Variants in SAMSN1 observed in about 807,000 individuals in gnomAD.
SAMSN1 encodes the protein SAM domain-containing protein SAMSN-1.
Under a neutral mutation model 42.0 loss-of-function variants are expected in SAMSN1, and 31 were observed. The ratio of observed to expected loss-of-function variants is 0.74; its 90% CI spans 0.55 to 1.00. The LOEUF is 1.00. Ranked by LOEUF, SAMSN1 falls within the 50% of genes least tolerant of loss-of-function variation. The pLI, the probability that SAMSN1 is intolerant of heterozygous loss-of-function variation, is 0.00. For missense variants in SAMSN1, 464 were observed against 439.4 expected (o/e 1.06, Z -0.50); for synonymous variants, 178 against 151.9 (o/e 1.17, Z -1.26).
At chr21:14,643,423 T>C (rs1983642586) in intron 1 of SAMSN1, among the ~76,000 whole-genome samples, 2 of 152,210 alleles carry the variant, frequency 1.3e-5, no homozygotes, top group African/African-American at 4.8e-5. Flanking sequence ...TCAAGAGGTA[T>C]GTTGAAGACA....
At chr21:14,615,870 A>C in intron 3 of SAMSN1, 1 of 318,718 alleles carries the variant, frequency 3.1e-6, no homozygotes, top group South Asian at 8.8e-5. Context: ...CTGCAAAAAA[A>C]AAAAAAAAAA....
chr21:14,512,422 G>C, intron 4 of SAMSN1, 22 bp downstream of exon 4: 3 of 1,611,730 alleles, frequency 1.9e-6, no homozygotes, highest in Non-Finnish European at 2.5e-6. Context: ...CCAGGATCTT[G>C]TCCCTGATTC....
chr21:14,522,940 C>T (rs1468127300), intron 1 of SAMSN1, among the ~76,000 whole-genome samples: 1 of 152,108 alleles, frequency 6.6e-6, no homozygotes, highest in Non-Finnish European at 1.5e-5. Flanking sequence ...ACAATTTGGA[C>T]ACGCCAATGC....
chr21:14,659,268 A>G (rs1983962335), upstream of SAMSN1, among the ~76,000 whole-genome samples: 2 of 152,044 alleles, frequency 1.3e-5, no homozygotes, highest in South Asian at 4.1e-4. Context: ...ACATTTTTAA[A>G]TGGCAAGATA....
In SAMSN1 at chr21:14,490,921, C is replaced by T. The variant is rs563249839; in HGVS notation, c.920-4807G>A. ...GCAGAGGCATACTCACTCAAGATCA[C>T]GATAACTCAGCACCTACCTGGGCAA... On this transcript the variant is annotated intron_variant, in intron 7 of 7. Coordinates refer to ENST00000400566, the MANE Select transcript of SAMSN1 (RefSeq NM_022136.5). 1.9e-4 allele frequency among the ~76,000 whole-genome samples: 29 copies of T among 152,250 alleles called. 3 individuals carry two copies. The highest frequency in any genetic ancestry group is 1.4e-3 in the Admixed American group (22 of 15,286).
chr21:14,546,028 G>A (rs1980368990), intron 1 of SAMSN1, among the ~76,000 whole-genome samples, 177 bp downstream of exon 1: 1 of 152,230 alleles, frequency 6.6e-6, no homozygotes, highest in South Asian at 2.1e-4. Context: ...TAATTGCTAG[G>A]TGTGATTTAA....
At chr21:14,591,093 TTGG>T (rs1343223238) in intron 7 of SAMSN1, among the ~76,000 whole-genome samples, 6 of 152,150 alleles carry the variant, frequency 3.9e-5, no homozygotes, top group South Asian at 2.1e-4. Context: ...ATAATTACAG[TTGG>T]TGGGAAAATT....
At chr21:14,643,944 G>T (rs1030119617) in intron 1 of SAMSN1, among the ~76,000 whole-genome samples, 2 of 152,188 alleles carry the variant, frequency 1.3e-5, no homozygotes, top group African/African-American at 4.8e-5. Context: ...ACCAAACTCA[G>T]CTGATGCCCA....
At chr21:14,510,810 G>A (rs925139671) in intron 4 of SAMSN1, among the ~76,000 whole-genome samples, 1 of 152,172 alleles carries the variant, frequency 6.6e-6, no homozygotes. Context: ...CCTCCCCAGA[G>A]TTCCCACTGT....
At chr21:14,549,387 G>A (rs1050688143), upstream of SAMSN1, among the ~76,000 whole-genome samples, 13 of 152,094 alleles carry the variant, frequency 8.5e-5, no homozygotes, top group Non-Finnish European at 4.4e-5. Flanking sequence ...AATGGATGAA[G>A]GGTTTTAAAA....
intron 6 of SAMSN1, chr21:14,601,879 T>G (rs1475935438): frequency 5.3e-6 from 2 of 375,228 alleles, no homozygotes; most frequent in Non-Finnish European, 9.9e-6. Flanking sequence ...GACATAAGCA[T>G]ATCAATTATA....
chr21:14,589,565 G>A (rs141971104), intron 7 of SAMSN1, among the ~76,000 whole-genome samples: 23 of 152,056 alleles, frequency 1.5e-4, no homozygotes, highest in South Asian at 6.2e-4. Context: ...GTGTGTGTAC[G>A]TATGTATATA....
chr21:14,547,485 G>T (rs1201220864), upstream of SAMSN1, among the ~76,000 whole-genome samples: 1 of 152,124 alleles, frequency 6.6e-6, no homozygotes, highest in African/African-American at 2.4e-5. Context: ...GTTAAATGGG[G>T]ATTTACCAAA....
intron 3 of SAMSN1, among the ~76,000 whole-genome samples, chr21:14,516,062 G>C (rs1160755829): frequency 6.6e-6 from 1 of 152,132 alleles, no homozygotes; most frequent in Non-Finnish European, 1.5e-5. Flanking sequence ...TTGTTGATGG[G>C]AATGTCAAAT....
Position 14,510,528 on chromosome 21 carries a change from CAACT to C in SAMSN1, c.410-71_410-68del, listed in dbSNP as rs199704581. 6,314 of 1,558,536 alleles carry C rather than the reference CAACT, an allele frequency of 4.1e-3. 76 individuals carry two copies. The African/African-American group carries it at 0.042, about 10-fold the overall frequency. On this transcript the variant is annotated intron_variant, in intron 4 of 7. Transcript: ENST00000400566. ...AACATTCTGAATCATCATCTGGACA[CAACT>C]AAGTATTGATAATGCTGGAACACTG...
intron 1 of SAMSN1, among the ~76,000 whole-genome samples, chr21:14,526,211 C>CA (rs1172881350): frequency 6.6e-6 from 1 of 152,188 alleles, no homozygotes; most frequent in African/African-American, 2.4e-5. Flanking sequence ...TAAAAACAAT[C>CA]ATAATATGGT....
At chr21:14,525,988 C>A (rs550232121) in intron 1 of SAMSN1, among the ~76,000 whole-genome samples, 53 of 152,098 alleles carry the variant, frequency 3.5e-4, no homozygotes, top group Non-Finnish European at 6.5e-4. Context: ...CCTCAGCCCC[C>A]CCGAGTAGCT....
intron 1 of SAMSN1, among the ~76,000 whole-genome samples, chr21:14,526,372 C>T (rs1978858401): frequency 6.6e-6 from 1 of 152,168 alleles, no homozygotes; most frequent in South Asian, 2.1e-4. Context: ...TGCAGTTAAC[C>T]TTCTTCCACA....
At chr21:14,657,251 G>T (rs1027538134) in intron 1 of SAMSN1, among the ~76,000 whole-genome samples, 1 of 151,798 alleles carries the variant, frequency 6.6e-6, no homozygotes. Flanking sequence ...CATAAACTTT[G>T]CAATGATTCA....
Sources: gnomAD v4.1 joint callset for allele counts (sites outside exome capture counted in the v4.1 genomes callset) on GRCh38, gnomAD v4.1.1 for gene constraint, MANE v1.5 for transcripts, NCBI Gene and HGNC (gene_info 2026-07-23, HGNC 2026-07-21) for gene names.